COL27A1: variants seen among roughly 807,000 people sequenced by gnomAD.
The protein encoded by COL27A1 is collagen type XXVII alpha 1 chain.
Under a neutral mutation model 251.3 loss-of-function variants are expected in COL27A1, and 106 were observed. The observed-to-expected ratio is 0.42, with a 90% CI of 0.36 to 0.50. COL27A1 has a LOEUF of 0.50. Among genes scored for constraint, COL27A1 ranks in the 20% least tolerant of loss-of-function variants. COL27A1 has a pLI of 0.00. For missense variants in COL27A1, 2,325 were observed against 2,522.8 expected, an observed-to-expected ratio of 0.92 and a Z score of 1.68; for synonymous variants, 1,000 against 986.3, an observed-to-expected ratio of 1.01 and a Z score of -0.26.
chr9:114,158,811 C>T (rs907302594), intron 1 of COL27A1, among the ~76,000 whole-genome samples: 4 of 152,166 alleles, frequency 2.6e-5, no homozygotes, highest in Admixed American at 6.5e-5. Context: ...GGCTGGGGCT[C>T]GGGTCTCTGG....
intron 28 of COL27A1, among the ~76,000 whole-genome samples, chr9:114,260,355 G>T (rs1477690280): frequency 6.6e-6 from 1 of 152,190 alleles, no homozygotes; most frequent in Non-Finnish European, 1.5e-5. Flanking sequence ...GGCCCCCTGG[G>T]TCTCCTGCCA....
At chr9:114,288,377 CG>C (rs1728980974) in intron 41 of COL27A1, 77 bp from the exon 42 acceptor site, 6 of 1,455,454 alleles carry the variant, frequency 4.1e-6, no homozygotes, top group Non-Finnish European at 5.7e-6. Context: ...TCATCTCTGA[CG>C]AAGCGCTTTC....
At chr9:114,221,371 T>C (rs1831099138) in intron 13 of COL27A1, among the ~76,000 whole-genome samples, 1 of 152,180 alleles carries the variant, frequency 6.6e-6, no homozygotes, top group African/African-American at 2.4e-5. Flanking sequence ...ATATGCAGTA[T>C]CATTCTGCGA....
intron 3 of COL27A1, among the ~76,000 whole-genome samples, chr9:114,175,983 G>A (rs1827406713): frequency 6.6e-6 from 1 of 152,212 alleles, no homozygotes; most frequent in African/African-American, 2.4e-5. Flanking sequence ...CCAGAGAAGA[G>A]AAGGGACTTA....
chr9:114,264,803 A>G, intron 29 of COL27A1, 121 bp from the exon 30 acceptor site: 2 of 1,039,180 alleles, frequency 1.9e-6, no homozygotes, highest in Non-Finnish European at 2.8e-6. Context: ...GCACCATGGA[A>G]AGGGGGCAGA....
chr9:114,174,970 A>G (rs1372009760), intron 3 of COL27A1, among the ~76,000 whole-genome samples: 1 of 18,404 alleles, frequency 5.4e-5, no homozygotes, highest in Non-Finnish European at 9.5e-5. Context: ...TCAGGGTCAC[A>G]TGGTAGGTAG....
At chr9:114,165,989 CCATCCATT>C (rs1848820200) in intron 2 of COL27A1, among the ~76,000 whole-genome samples, 1 of 151,592 alleles carries the variant, frequency 6.6e-6, no homozygotes, top group Admixed American at 6.6e-5. Flanking sequence ...ATCTATTCAT[CCATCCATT>C]CATCCATCCA....
chr9:114,174,932 C>T (rs766454690), intron 3 of COL27A1, among the ~76,000 whole-genome samples: 4 of 107,126 alleles, frequency 3.7e-5, no homozygotes, highest in Non-Finnish European at 5.8e-5. Flanking sequence ...GACACAGAGT[C>T]GAGGCCTAGA....
chr9:114,260,884 G>A (rs1053723964), intron 28 of COL27A1, among the ~76,000 whole-genome samples: 3 of 152,080 alleles, frequency 2.0e-5, no homozygotes, highest in Non-Finnish European at 4.4e-5. Flanking sequence ...TCCTCCTTCC[G>A]AGGGGGTCGT....
At chr9:114,175,441 G>T (rs1304426732) in intron 3 of COL27A1, among the ~76,000 whole-genome samples, 1 of 152,260 alleles carries the variant, frequency 6.6e-6, no homozygotes, top group East Asian at 1.9e-4. Flanking sequence ...GGGCACCCGT[G>T]CTCGCCACGA....
At chr9:114,209,768 C>T (rs756287671) in intron 11 of COL27A1, 40 bp downstream of exon 11, 2 of 1,597,304 alleles carry the variant, frequency 1.3e-6, no homozygotes, top group Admixed American at 3.3e-5. Flanking sequence ...CCACAGCCAC[C>T]CCTGCCCAAA....
Position 114,172,532 on chromosome 9 carries a change from G to A in COL27A1, c.1908+3069G>A, listed in dbSNP as rs1023037552. Among the ~76,000 whole-genome samples, 8 of 152,304 alleles carry A rather than the reference G, an allele frequency of 5.3e-5. No individual in the cohort carries two copies. The South Asian group carries it at 1.0e-3, about 20-fold the overall frequency. On this transcript the variant is annotated intron_variant, in intron 3 of 60. Transcript: ENST00000356083. ...TATAAAGCTGTAGTAGAGGCTGGGC[G>A]TGGTGGCTCACACCTATAATCCCAG...
At chr9:114,179,165 G>A (rs1827703157) in intron 4 of COL27A1, among the ~76,000 whole-genome samples, 2 of 152,220 alleles carry the variant, frequency 1.3e-5, no homozygotes, top group African/African-American at 4.8e-5. Flanking sequence ...GGCAGAGGTA[G>A]CTGCCTGGGG....
rs930512491 is a variant in COL27A1, at chr9:114,267,530, G to C, written c.3474G>C (p.Pro1158=). Residue 1158 remains proline, a synonymous_variant, in exon 34 of 61, where the codon CCG becomes CCC. Coordinates refer to ENST00000356083, the MANE Select transcript of COL27A1 (RefSeq NM_032888.4). ...PKGPPGAVGE[P]GLPGEAGMKG... ...GGCCGCCTGGTGCAGTGGGAGAACC[G>C]GGCCTTCCTGGGGAAGCCGGGATGA... The C allele has an allele frequency of 5.6e-6, 9 of 1,596,092 alleles. No homozygotes were observed. Among genetic ancestry groups the C allele is most frequent in the South Asian group, 2.3e-5 (2 of 88,848 alleles).
In COL27A1 at chr9:114,209,333, C is replaced by T. The variant is rs572548124; in HGVS notation, c.2269-342C>T. The T allele has an allele frequency of 2.3e-4, 129 of 550,504 alleles. 1 individual carries two copies. The highest frequency in any genetic ancestry group is 2.2e-3 in the African/African-American group (121 of 54,122). 34.1% of individuals were successfully genotyped at this position (550,504 alleles called of 1,614,324 possible). Reference sequence around the variant, plus strand: ...CCAGCATCCCTGGGGGTGGGCAGGGCTTGGTGCCGTGCTAGCATCTAACCC... The same window carrying T: ...CCAGCATCCCTGGGGGTGGGCAGGGTTTGGTGCCGTGCTAGCATCTAACCC... On this transcript the variant is annotated intron_variant, in intron 10 of 60. Transcript: ENST00000356083.
chr9:114,305,365 G>T (rs576950990), intron 57 of COL27A1, among the ~76,000 whole-genome samples: 1 of 152,270 alleles, frequency 6.6e-6, no homozygotes, highest in Non-Finnish European at 1.5e-5. Flanking sequence ...TCAGTGGAAA[G>T]AGAGGGGAAC....
At chr9:114,238,327 G>T (rs1380723857) in intron 19 of COL27A1, among the ~76,000 whole-genome samples, 1 of 152,190 alleles carries the variant, frequency 6.6e-6, no homozygotes, top group Non-Finnish European at 1.5e-5. Context: ...AAGCAAGCTG[G>T]CTGGGTTCTT....
intron 14 of COL27A1, among the ~76,000 whole-genome samples, chr9:114,223,080 C>T (rs548886795): frequency 6.6e-6 from 1 of 151,938 alleles, no homozygotes; most frequent in Admixed American, 6.5e-5. Context: ...TGGTTCTAGC[C>T]AAAGCCAGGG....
intron 3 of COL27A1, among the ~76,000 whole-genome samples, chr9:114,177,373 ATGT>A (rs1404971117): frequency 6.6e-6 from 1 of 152,164 alleles, no homozygotes. Flanking sequence ...GAGCCCTTAA[ATGT>A]TGTTGAGCAG....
Sources: gnomAD v4.1 joint callset for allele counts (sites outside exome capture counted in the v4.1 genomes callset) on GRCh38, gnomAD v4.1.1 for gene constraint, MANE v1.5 for transcripts, NCBI Gene and HGNC (gene_info 2026-07-23, HGNC 2026-07-21) for gene names.